The following SNORC variants were observed in gnomAD, a reference collection of about 807,000 sequenced individuals.
SNORC encodes secondary ossification center associated regulator of chondrocyte maturation, also known as protein SNORC.
In SNORC, 11 loss-of-function variants were observed where a neutral mutation model predicts 9.7. The ratio of observed to expected loss-of-function variants is 1.14; its 90% CI spans 0.72 to 1.88. The LOEUF is 1.88. SNORC is among the 40% of genes most tolerant of loss of function. The probability of loss-of-function intolerance (pLI) is 0.00; values close to 1 mark genes in which losing one functional copy is unlikely to be tolerated. For missense variants in SNORC, 197 were observed against 173.1 expected (o/e 1.14, Z -0.77); for synonymous variants, 108 against 88.7 (o/e 1.22, Z -1.22).
Position 232,874,757 on chromosome 2 carries a change from C to T in SNORC, c.74-1183C>T, listed in dbSNP as rs138505100. ...GGGACAAAAGGTGCCCTAGGGTCGCCGGCTGGCCGGCAGGGTCTGTTCACA... is the reference window on the plus strand; with the variant it reads ...GGGACAAAAGGTGCCCTAGGGTCGCTGGCTGGCCGGCAGGGTCTGTTCACA... On this transcript the variant is annotated intron_variant, in intron 1 of 2. Transcript: ENST00000331342. Among the ~76,000 whole-genome samples the T allele has an allele frequency of 1.6e-4, 24 of 152,336 alleles. 1 individual carries two copies. Among genetic ancestry groups the T allele is most frequent in the South Asian group, 4.1e-4 (2 of 4,834 alleles).
chr2:232,871,621 G>A (rs544349939), intron 1 of SNORC, among the ~76,000 whole-genome samples: 18 of 152,326 alleles, frequency 1.2e-4, no homozygotes, highest in African/African-American at 3.4e-4. Context: ...CTGGGAGGGC[G>A]CCAGCCTCCC....
At chr2:232,870,520 G>A (rs1690989350) in intron 1 of SNORC, 106 bp downstream of exon 1, 2 of 1,098,444 alleles carry the variant, frequency 1.8e-6, no homozygotes, top group Non-Finnish European at 2.7e-6. Flanking sequence ...CCCTCTCACA[G>A]GAGATGGGAT....
In SNORC at chr2:232,876,006, G is replaced by T. The variant is rs1252247788; in HGVS notation, c.140G>T (p.Gly47Val). ...CCGGCCGAGCTGCCGTCGGGAGAAGGCCCCGTGGAGAGCACCAGCCCCGGC... is the reference window on the plus strand; with the variant it reads ...CCGGCCGAGCTGCCGTCGGGAGAAGTCCCCGTGGAGAGCACCAGCCCCGGC... Residue 47 changes from glycine to valine, a missense_variant, in exon 2 of 3, where the codon GGC becomes GTC. Transcript: ENST00000331342. The surrounding 1 kb of genome is among the most constrained non-coding windows in gnomAD (Gnocchi z 6.8). 3 of 1,552,534 alleles carry T rather than the reference G, an allele frequency of 1.9e-6. No individual in the cohort carries two copies. Among genetic ancestry groups the T allele is most frequent in the Non-Finnish European group, 2.6e-6 (3 of 1,151,530 alleles).
downstream of SNORC, chr2:232,876,440 G>C: frequency 7.0e-7 from 1 of 1,434,720 alleles, no homozygotes; most frequent in Non-Finnish European, 9.1e-7. The surrounding 1 kb of genome is among the most constrained non-coding windows in gnomAD (Gnocchi z 6.8). Context: ...GCGTGTCCGC[G>C]CATGCAGGTG....
chr2:232,867,103 A>G (rs1240744119), upstream of SNORC, among the ~76,000 whole-genome samples: 1 of 152,104 alleles, frequency 6.6e-6, no homozygotes, highest in East Asian at 1.9e-4. Flanking sequence ...AAGCCTGAAC[A>G]CCCTTTGGAA....
At chr2:232,869,323 T>G (rs1421830047), upstream of SNORC, among the ~76,000 whole-genome samples, 1 of 151,832 alleles carries the variant, frequency 6.6e-6, no homozygotes, top group African/African-American at 2.4e-5. Context: ...GACTGAAACA[T>G]AGAGCTCGTG....
upstream of SNORC, chr2:232,869,767 CCTT>C (rs1477235001): frequency 1.3e-5 from 2 of 159,898 alleles, no homozygotes; most frequent in Admixed American, 6.0e-5. Context: ...CTTTAAAAGT[CCTT>C]CTTCAACAAG....
chr2:232,876,779 A>T (rs1691269431), downstream of SNORC: 2 of 985,184 alleles, frequency 2.0e-6, no homozygotes, highest in South Asian at 9.4e-5. This position sits in a 1 kb window ranked among gnomAD's most constrained non-coding sequence, Gnocchi z 6.8. Flanking sequence ...GTCCGGGGGC[A>T]CCGTCACGGT....
upstream of SNORC, chr2:232,869,922 A>G (rs1317451137): frequency 6.6e-6 from 2 of 301,944 alleles, no homozygotes; most frequent in African/African-American, 4.5e-5. Context: ...GGGCTACCCA[A>G]GCCCCACTGA....
At chr2:232,867,178 G>T (rs1245602591), upstream of SNORC, among the ~76,000 whole-genome samples, 1 of 152,208 alleles carries the variant, frequency 6.6e-6, no homozygotes. Context: ...CTAAAAAATA[G>T]CTTCACACTT....
chr2:232,878,115 G>A (rs1361908418), downstream of SNORC: 1 of 152,308 alleles, frequency 6.6e-6, no homozygotes, highest in African/African-American at 2.4e-5. Context: ...CAGAGGGTCT[G>A]AGGTCCGAGC....
At chr2:232,875,318 G>T in intron 1 of SNORC, 1 of 180,290 alleles carries the variant, frequency 5.5e-6, no homozygotes. Flanking sequence ...ACTCCAGCCT[G>T]GGCACAGAGC....
At chr2:232,866,485 G>A (rs191355925), upstream of SNORC, among the ~76,000 whole-genome samples, 1 of 152,214 alleles carries the variant, frequency 6.6e-6, no homozygotes, top group East Asian at 1.9e-4. Flanking sequence ...GTATTGCTTG[G>A]CATGTTTTGT....
At chr2:232,869,388 A>G (rs543171583), upstream of SNORC, among the ~76,000 whole-genome samples, 11 of 152,306 alleles carry the variant, frequency 7.2e-5, no homozygotes, top group South Asian at 2.3e-3. Flanking sequence ...GAAACCATCA[A>G]GGTGTGAAGT....
chr2:232,867,452 T>A (rs1324305820), upstream of SNORC, among the ~76,000 whole-genome samples: 1 of 152,250 alleles, frequency 6.6e-6, no homozygotes, highest in Admixed American at 6.5e-5. Flanking sequence ...TGTATAGTAT[T>A]ATTCATTGCA....
At chr2:232,876,779 A>G (rs1691269431), downstream of SNORC, 1 of 985,184 alleles carries the variant, frequency 1.0e-6, no homozygotes, top group Admixed American at 6.1e-5. This position sits in a 1 kb window ranked among gnomAD's most constrained non-coding sequence, Gnocchi z 6.8. Flanking sequence ...GTCCGGGGGC[A>G]CCGTCACGGT....
At chr2:232,877,125 C>A (rs1691290783), downstream of SNORC, 9 of 985,774 alleles carry the variant, frequency 9.1e-6, no homozygotes, top group Non-Finnish European at 1.1e-5. Context: ...GCCCAGGGAG[C>A]CTCAGGAGCA....
At chr2:232,868,201 A>G (rs1225600142), upstream of SNORC, among the ~76,000 whole-genome samples, 2 of 148,598 alleles carry the variant, frequency 1.3e-5, no homozygotes, top group Non-Finnish European at 3.0e-5. Flanking sequence ...AGCTCAAGCA[A>G]TTCTTGTGCC....
At chr2:232,875,066 G>C (rs567649061) in intron 1 of SNORC, among the ~76,000 whole-genome samples, 4 of 152,216 alleles carry the variant, frequency 2.6e-5, no homozygotes, top group African/African-American at 9.7e-5. Context: ...GGGGCCGGCC[G>C]CAGTGGCTCA....
Sources: allele counts gnomAD v4.1 joint callset (sites outside exome capture counted in the v4.1 genomes callset), GRCh38; gene constraint gnomAD v4.1.1; non-coding constraint Gnocchi (gnomAD v3.1); transcripts MANE v1.5; gene names NCBI Gene and HGNC (gene_info 2026-07-23, HGNC 2026-07-21).